GLB1L3: variants seen among roughly 807,000 people sequenced by gnomAD.
The protein encoded by GLB1L3 is beta-galactosidase-1-like protein 3.
A neutral mutation model predicts 89.5 loss-of-function variants in GLB1L3; 89 were observed. That is an observed-to-expected ratio of 0.99 (90% CI 0.84 to 1.19). The LOEUF is 1.19. Ranked by LOEUF, GLB1L3 falls within the 50% of genes most tolerant of loss-of-function variation. GLB1L3 has a pLI of 0.00. For synonymous variants in GLB1L3, 314 were observed against 312.3 expected (o/e 1.01, Z -0.06); for missense variants, 812 against 813.3 (o/e 1.00, Z 0.02).
At chr11:134,303,429 GCTT>G (rs1200086961) in intron 9 of GLB1L3, among the ~76,000 whole-genome samples, 1 of 151,898 alleles carries the variant, frequency 6.6e-6, no homozygotes, top group Non-Finnish European at 1.5e-5. Context: ...TACAATCTTG[GCTT>G]CTTTTTATGG....
intron 13 of GLB1L3, 147 bp downstream of exon 13, chr11:134,311,317 C>T (rs557440591): frequency 1.9e-5 from 13 of 690,468 alleles, no homozygotes; most frequent in South Asian, 1.7e-4. Context: ...GCCACCAGCT[C>T]CTTCCGGGTG....
intron 9 of GLB1L3, among the ~76,000 whole-genome samples, chr11:134,295,976 A>C (rs955109718): frequency 1.3e-5 from 2 of 152,166 alleles, no homozygotes; most frequent in Non-Finnish European, 2.9e-5. Context: ...CCAAGAACAT[A>C]CTTGTATAAT....
chr11:134,308,403 AT>A (rs1942432983), intron 10 of GLB1L3, among the ~76,000 whole-genome samples: 7 of 101,378 alleles, frequency 6.9e-5, no homozygotes, highest in Non-Finnish European at 9.9e-5. Context: ...CACCATCACC[AT>A]CACCACCACC....
Position 134,310,131 on chromosome 11 carries a change from T to G in GLB1L3, c.1099+368T>G, listed in dbSNP as rs1288173820. 4 of 389,590 alleles carry G rather than the reference T, an allele frequency of 1.0e-5. No homozygotes were observed. The East Asian group carries it at 2.1e-4, about 20-fold the overall frequency. 24.1% of individuals were successfully genotyped at this position (389,590 alleles called of 1,614,324 possible). On this transcript the variant is annotated intron_variant, in intron 11 of 19. Transcript: ENST00000431683. ...GTACCCGTTGAAGGGGTGTCCACTC[T>G]TTTGGCTTCCCTGGGCCACACTGGA...
At chr11:134,276,794 C>A in intron 1 of GLB1L3, 31 bp downstream of exon 1, 2 of 1,398,948 alleles carry the variant, frequency 1.4e-6, no homozygotes, top group Non-Finnish European at 1.9e-6. Flanking sequence ...TCCCGGGCTG[C>A]CCACCACCCC....
the GLB1L3 span, among the ~76,000 whole-genome samples, chr11:134,325,043 G>A: frequency 0.59 from 89,466 of 152,012 alleles, 27,217 homozygotes; most frequent in Non-Finnish European, 0.67. Context: ...TAAAGCTAAT[G>A]TATGCTCTCC....
In GLB1L3 at chr11:134,288,787, T is replaced by G. The variant is rs477832; in HGVS notation, c.637-11T>G. The G allele has an allele frequency of 4.4e-6, 7 of 1,608,386 alleles. No homozygotes were observed. The highest frequency in any genetic ancestry group is 6.0e-6 in the Non-Finnish European group (7 of 1,176,184). ...GCCTCACTCTTTAACCCTCCTATGC[T>G]TGTTTCTCAGTACCGCCAGGCAGGC... On this transcript the variant is annotated splice_polypyrimidine_tract_variant and intron_variant, in intron 6 of 19. Transcript: ENST00000431683.
At position 134,294,483 on chromosome 11, in the gene GLB1L3, T is replaced by A. The variant is rs1282261884; in HGVS notation, c.876+1274T>A. ...TACCTTTGCTAAGTCTTCTTCCTTTTTGTTCTTTTTTTCTTGTCACTTTCA... is the reference window on the plus strand; with the variant it reads ...TACCTTTGCTAAGTCTTCTTCCTTTATGTTCTTTTTTTCTTGTCACTTTCA... On this transcript the variant is annotated intron_variant, in intron 9 of 19. Coordinates refer to ENST00000431683, the MANE Select transcript of GLB1L3 (RefSeq NM_001080407.3). Among the ~76,000 whole-genome samples the A allele has an allele frequency of 2.0e-5, 3 of 152,232 alleles. No individual in the cohort carries two copies. In the East Asian group the frequency reaches 5.8e-4, roughly 29 times the overall value.
downstream of GLB1L3, among the ~76,000 whole-genome samples, chr11:134,322,006 C>T (rs924260202): frequency 6.6e-6 from 1 of 151,908 alleles, no homozygotes; most frequent in African/African-American, 2.4e-5. Flanking sequence ...TATAAATGCG[C>T]TAAACTCTAA....
intron 10 of GLB1L3, among the ~76,000 whole-genome samples, chr11:134,308,568 C>CCACCACCAT (rs1565414540): frequency 6.5e-5 from 9 of 138,488 alleles, no homozygotes; most frequent in African/African-American, 1.9e-4. Context: ...ACCACCACCA[C>CCACCACCAT]CACCATCACC....
chr11:134,285,524 G>T (rs10894793), intron 6 of GLB1L3, among the ~76,000 whole-genome samples: 3 of 151,944 alleles, frequency 2.0e-5, no homozygotes, highest in Non-Finnish European at 4.4e-5. Flanking sequence ...GGTGGCTCAC[G>T]GCTGTAATCC....
chr11:134,283,283 C>G (rs1470649223), intron 5 of GLB1L3, among the ~76,000 whole-genome samples: 1 of 152,128 alleles, frequency 6.6e-6, no homozygotes, highest in Non-Finnish European at 1.5e-5. Flanking sequence ...AGGCTGGTCT[C>G]GAACTCCTGA....
intron 9 of GLB1L3, among the ~76,000 whole-genome samples, chr11:134,302,273 T>C (rs1248164192): frequency 6.6e-6 from 1 of 152,198 alleles, no homozygotes; most frequent in Non-Finnish European, 1.5e-5. Context: ...TTCTAAGCAT[T>C]TTCAGAGTGT....
chr11:134,281,217 T>C lies in GLB1L3; in HGVS notation c.363-160T>C, dbSNP rs576898080. On this transcript the variant is annotated intron_variant, in intron 3 of 19. Coordinates refer to ENST00000431683, the MANE Select transcript of GLB1L3 (RefSeq NM_001080407.3). ...TAATAGAGCAAGGAACTATTAAAGATGGTCATGGTTAGTGTAACAGAGGTT... is the reference window on the plus strand; with the variant it reads ...TAATAGAGCAAGGAACTATTAAAGACGGTCATGGTTAGTGTAACAGAGGTT... Among the ~76,000 whole-genome samples, 3 of 152,336 alleles carry C rather than the reference T, an allele frequency of 2.0e-5. No individual in the cohort carries two copies. The East Asian group carries it at 5.8e-4, about 29-fold the overall frequency.
At chr11:134,281,194 A>T (rs968900589) in intron 3 of GLB1L3, among the ~76,000 whole-genome samples, 183 bp from the exon 4 acceptor site, 2 of 152,232 alleles carry the variant, frequency 1.3e-5, no homozygotes, top group Non-Finnish European at 2.9e-5. Context: ...CAATTGGATA[A>T]TAGAGCAAGG....
In GLB1L3 at chr11:134,292,223, T is replaced by G; in HGVS notation, c.811+10T>G. ...GGCCACACCAAAGGAGGTACACATTTAGAGTTAGTTCACAGGAGAACAGGG... is the reference window on the plus strand; with the variant it reads ...GGCCACACCAAAGGAGGTACACATTGAGAGTTAGTTCACAGGAGAACAGGG... On this transcript the variant is annotated intron_variant, in intron 8 of 19. Coordinates refer to ENST00000431683, the MANE Select transcript of GLB1L3 (RefSeq NM_001080407.3). 6.2e-7 allele frequency: 1 copy of G among 1,603,242 alleles called. No individual in the cohort carries two copies. The highest frequency in any genetic ancestry group is 8.5e-7 in the Non-Finnish European group (1 of 1,170,998).
chr11:134,295,195 T>C (rs372577522), intron 9 of GLB1L3, among the ~76,000 whole-genome samples: 9 of 152,340 alleles, frequency 5.9e-5, no homozygotes, highest in African/African-American at 2.2e-4. Flanking sequence ...ATTGTTAGCA[T>C]TTCTTAATGT....
chr11:134,290,406 C>G lies in GLB1L3; in HGVS notation c.729+1516C>G, dbSNP rs560494389. On this transcript the variant is annotated intron_variant, in intron 7 of 19. Coordinates refer to ENST00000431683, the MANE Select transcript of GLB1L3 (RefSeq NM_001080407.3). ...TGGCCAACGTGTCAAAACTCTGTCT[C>G]TACTACAAATACAAAAATTAGCTGG... Among the ~76,000 whole-genome samples the G allele has an allele frequency of 2.6e-5, 4 of 152,114 alleles. No individual in the cohort carries two copies. In the South Asian group the frequency reaches 8.3e-4, roughly 32 times the overall value.
intron 5 of GLB1L3, among the ~76,000 whole-genome samples, chr11:134,282,991 C>G (rs1199887451): frequency 6.6e-6 from 1 of 152,186 alleles, no homozygotes; most frequent in African/African-American, 2.4e-5. Context: ...ACGTAGGCTC[C>G]TGCCCTGAGC....
Sources: gnomAD v4.1 joint callset for allele counts (sites outside exome capture counted in the v4.1 genomes callset) on GRCh38, gnomAD v4.1.1 for gene constraint, MANE v1.5 for transcripts, NCBI Gene and HGNC (gene_info 2026-07-23, HGNC 2026-07-21) for gene names.